The following CHRNA3 variants were observed in gnomAD, a reference collection of about 807,000 sequenced individuals.
CHRNA3 encodes the protein cholinergic receptor nicotinic alpha 3 subunit, also known as neuronal acetylcholine receptor subunit alpha-3.
CHRNA3 carries 34 observed loss-of-function variants against 41.9 expected under a neutral mutation model. That is an observed-to-expected ratio of 0.81 (90% CI 0.62 to 1.08). CHRNA3 has a LOEUF of 1.08. CHRNA3 is among the 50% of genes least tolerant of loss of function. The pLI, the probability that CHRNA3 is intolerant of heterozygous loss-of-function variation, is 0.00. For missense variants in CHRNA3, 542 were observed against 638.3 expected, an observed-to-expected ratio of 0.85 and a Z score of 1.63; for synonymous variants, 281 against 265.2, an observed-to-expected ratio of 1.06 and a Z score of -0.58.
At chr15:78,618,367 T>C (rs1322143965) in intron 3 of CHRNA3, 2 of 536,420 alleles carry the variant, frequency 3.7e-6, no homozygotes, top group African/African-American at 1.9e-5. Context: ...ACATGGAGAA[T>C]GTCTTTCTCC....
At chr15:78,616,501 T>C (rs1054764630) in intron 4 of CHRNA3, among the ~76,000 whole-genome samples, 2 of 152,046 alleles carry the variant, frequency 1.3e-5, no homozygotes. Context: ...GAGGGACCGT[T>C]TACTCCATTC....
chr15:78,614,625 T>TTTTGGC (rs1238601778), intron 4 of CHRNA3, among the ~76,000 whole-genome samples: 1 of 152,196 alleles, frequency 6.6e-6, no homozygotes, highest in African/African-American at 2.4e-5. Flanking sequence ...TTTGTACTAA[T>TTTTGGC]ATGGCATAAA....
chr15:78,596,392 C>G lies in CHRNA3; in HGVS notation c.*212G>C, dbSNP rs2053110666. On this transcript the variant is annotated 3_prime_UTR_variant, in exon 6 of 6. Transcript: ENST00000326828. ...ACATTTTGACATCTCTTTACCATACCAAAAAGGCTAGTTAAATGTTCATTT... is the reference window on the plus strand; with the variant it reads ...ACATTTTGACATCTCTTTACCATACGAAAAAGGCTAGTTAAATGTTCATTT... The G allele has an allele frequency of 8.2e-7, 1 of 1,218,460 alleles. No homozygotes were observed. Among genetic ancestry groups the G allele is most frequent in the Admixed American group, 4.1e-5 (1 of 24,564 alleles). The allele number at this position is 1,218,460 out of a possible 1,614,324, so 75.5% of individuals were successfully genotyped here.
At position 78,595,460 on chromosome 15, in the gene CHRNA3, CTCAACCAGGGGCAAT is replaced by C. The variant is rs1324600218; in HGVS notation, c.*1129_*1143del. The C allele has an allele frequency of 1.4e-5, 14 of 981,182 alleles. No individual in the cohort carries two copies. The highest frequency in any genetic ancestry group is 1.6e-5 in the Non-Finnish European group (13 of 826,112). The allele number at this position is 981,182 out of a possible 1,614,324, so 60.8% of individuals were successfully genotyped here. On this transcript the variant is annotated 3_prime_UTR_variant, in exon 6 of 6. Transcript: ENST00000326828. ...TAACAATTTGTCTAAAGCAATGTTT[CTCAACCAGGGGCAAT>C]TTTGCTCCTAAGGGAACATTTAACA...
chr15:78,594,915 AAC>A (rs1197061247), downstream of CHRNA3: 4 of 152,336 alleles, frequency 2.6e-5, no homozygotes, highest in Admixed American at 2.6e-4. Context: ...TCACAGTTAA[AAC>A]AGTTAAATTC....
At chr15:78,606,794 G>C (rs142096944) in intron 4 of CHRNA3, among the ~76,000 whole-genome samples, 236 of 152,230 alleles carry the variant, frequency 1.6e-3, no homozygotes, top group African/African-American at 5.5e-3. Flanking sequence ...AGCTACTTGG[G>C]AAGCTGAGGC....
At chr15:78,617,408 G>C (rs150760126) in intron 3 of CHRNA3, among the ~76,000 whole-genome samples, 149 of 152,236 alleles carry the variant, frequency 9.8e-4, no homozygotes, top group African/African-American at 3.2e-3. Context: ...GGGCCTACTC[G>C]TGCTTTCTCT....
At chr15:78,613,733 T>A (rs552773468) in intron 4 of CHRNA3, among the ~76,000 whole-genome samples, 46 of 100,916 alleles carry the variant, frequency 4.6e-4, no homozygotes, top group South Asian at 1.6e-3. Flanking sequence ...TAATAAAATT[T>A]AAAAAAAAAC....
Position 78,596,280 on chromosome 15 carries a change from T to TTTTTCTATCCAGTTTTGTTTCAACAAC in CHRNA3, c.*297_*323dup. 1 of 1,000,440 alleles carries TTTTTCTATCCAGTTTTGTTTCAACAAC rather than the reference T, an allele frequency of 1.0e-6. No homozygotes were observed. The highest frequency in any genetic ancestry group is 1.2e-6 in the Non-Finnish European group (1 of 840,006). The allele number at this position is 1,000,440 out of a possible 1,614,324, so 62.0% of individuals were successfully genotyped here. ...TGACTTTTCATATTTCTGAACAGCA[T>TTTTTCTATCCAGTTTTGTTTCAACAAC]TTTTCTATCCAGTTTTGTTTCAACA... is the stretch of plus-strand genomic sequence containing the variant. On this transcript the variant is annotated 3_prime_UTR_variant, in exon 6 of 6. Transcript: ENST00000326828.
intron 4 of CHRNA3, among the ~76,000 whole-genome samples, chr15:78,615,952 G>A (rs1479988992): frequency 6.6e-6 from 1 of 150,640 alleles, no homozygotes; most frequent in African/African-American, 2.4e-5. Flanking sequence ...ATATTGGCCA[G>A]GCTGGTCTCG....
chr15:78,620,395 G>GGGGCAGGGCGACGGGCAGCGC, intron 1 of CHRNA3: 1 of 368,154 alleles, frequency 2.7e-6, no homozygotes. Context: ...CGGGCAGCGC[G>GGGGCAGGGCGACGGGCAGCGC]GGGACGCGAA....
intron 4 of CHRNA3, among the ~76,000 whole-genome samples, chr15:78,614,213 C>G (rs2053428457): frequency 6.6e-6 from 1 of 152,180 alleles, no homozygotes; most frequent in South Asian, 2.1e-4. Flanking sequence ...AAGGAAATGG[C>G]TATAAAACGC....
In CHRNA3 at chr15:78,596,226, T is replaced by A; in HGVS notation, c.*378A>T. On this transcript the variant is annotated 3_prime_UTR_variant, in exon 6 of 6. Coordinates refer to ENST00000326828, the MANE Select transcript of CHRNA3 (RefSeq NM_000743.5). ...GAGATTATGGGCTAAATAAGAAAAA[T>A]TACTGGGAGATCTGTAGTGATAACT... 1 of 987,454 alleles carries A rather than the reference T, an allele frequency of 1.0e-6. No individual in the cohort carries two copies. Among genetic ancestry groups the A allele is most frequent in the Non-Finnish European group, 1.2e-6 (1 of 831,380 alleles). 61.2% of individuals were successfully genotyped at this position (987,454 alleles called of 1,614,324 possible).
In CHRNA3 at chr15:78,601,373, A is replaced by G. The variant is rs1187271273; in HGVS notation, c.1269T>C (p.Ser423=). ...SNFSANLTRS[S]SSESVDAVLS... ...GCACAGCATCAACAGATTCAGAACT[A>G]GAGCTTCTCGTGAGGTTAGCACTGA... is the stretch of plus-strand genomic sequence containing the variant. Residue 423 remains serine (S), a synonymous_variant, in exon 5 of 6, where the codon TCT becomes TCC. Coordinates refer to ENST00000326828, the MANE Select transcript of CHRNA3 (RefSeq NM_000743.5). 6.2e-7 allele frequency: 1 copy of G among 1,614,162 alleles called. No individual in the cohort carries two copies. The highest frequency in any genetic ancestry group is 1.1e-5 in the South Asian group (1 of 91,080).
intron 4 of CHRNA3, among the ~76,000 whole-genome samples, chr15:78,614,440 A>G (rs1459553591): frequency 6.6e-6 from 1 of 152,202 alleles, no homozygotes; most frequent in African/African-American, 2.4e-5. Context: ...AGAAACATTT[A>G]TAAGTGCTGT....
chr15:78,599,953 G>A (rs2053171523), intron 5 of CHRNA3: 1 of 146,288 alleles, frequency 6.8e-6, no homozygotes, highest in African/African-American at 2.5e-5. Context: ...GGAAGCAGAG[G>A]TTGCAGTAGG....
intron 4 of CHRNA3, among the ~76,000 whole-genome samples, chr15:78,611,689 C>A (rs2053382152): frequency 6.6e-6 from 1 of 151,670 alleles, no homozygotes; most frequent in South Asian, 2.1e-4. Flanking sequence ...CTCACCACTC[C>A]TATTCAACAT....
rs549732833 is a variant in CHRNA3 at position 78,596,092 on chromosome 15, A to C, written c.*512T>G. On this transcript the variant is annotated 3_prime_UTR_variant, in exon 6 of 6. Coordinates refer to ENST00000326828, the MANE Select transcript of CHRNA3 (RefSeq NM_000743.5). ...TAGAAGTATGCAAGAGAAGTAGTTG[A>C]AGCTCTCTGAAATGGAGGCATAGCC... 1.0e-6 allele frequency: 1 copy of C among 985,278 alleles called. No homozygotes were observed. The highest frequency in any genetic ancestry group is 1.7e-5 in the African/African-American group (1 of 57,360). 61.0% of individuals were successfully genotyped at this position (985,278 alleles called of 1,614,324 possible).
chr15:78,597,356 G>A (rs554191513), intron 5 of CHRNA3, among the ~76,000 whole-genome samples: 3 of 152,176 alleles, frequency 2.0e-5, no homozygotes, highest in South Asian at 4.1e-4. Context: ...TCTTGAACCC[G>A]GGAGGCGGAG....
Sources: gnomAD v4.1 joint callset for allele counts (sites outside exome capture counted in the v4.1 genomes callset) on GRCh38, gnomAD v4.1.1 for gene constraint, MANE v1.5 for transcripts, NCBI Gene and HGNC (gene_info 2026-07-23, HGNC 2026-07-21) for gene names.